LAMB4: variants seen among roughly 807,000 people sequenced by gnomAD.
LAMB4 encodes the protein laminin subunit beta-4.
A neutral mutation model predicts 199.2 loss-of-function variants in LAMB4; 196 were observed. That is an observed-to-expected ratio of 0.98 (90% CI 0.88 to 1.11). The LOEUF is 1.11. Among genes scored for constraint, LAMB4 ranks in the 50% least tolerant of loss-of-function variants. The pLI is 0.00. For missense variants in LAMB4, 2,080 were observed against 2,171.2 expected, an observed-to-expected ratio of 0.96 and a Z score of 0.83; for synonymous variants, 744 against 770.6, an observed-to-expected ratio of 0.97 and a Z score of 0.57.
At chr7:108,035,876 G>A (rs528151322) in intron 30 of LAMB4, among the ~76,000 whole-genome samples, 1 of 146,060 alleles carries the variant, frequency 6.8e-6, no homozygotes, top group African/African-American at 2.5e-5. Flanking sequence ...TTTTTTAGAT[G>A]GTGTCTCGCT....
Position 108,055,990 on chromosome 7 carries a change from C to A in LAMB4, c.3397G>T (p.Ala1133Ser). 1 of 1,611,384 alleles carries A rather than the reference C, an allele frequency of 6.2e-7. No individual in the cohort carries two copies. Residue 1133 changes from alanine (A) to serine (S), a missense_variant, in exon 25 of 34, where the codon GCA becomes TCA. Coordinates refer to ENST00000388781, the MANE Select transcript of LAMB4 (RefSeq NM_007356.3). ...TCACAGATGGGCTTCTGGGTACCTG[C>A]CCTGTTACAATCACATGCTAAAAAG... ...GRCIPCDCNR[A>S]GTQKPICDPD...
chr7:108,042,937 C>CTCTGTGTGTG (rs1554426273), intron 29 of LAMB4, among the ~76,000 whole-genome samples: 32 of 140,390 alleles, frequency 2.3e-4, no homozygotes, highest in African/African-American at 8.2e-4. Flanking sequence ...CTCTCAATCT[C>CTCTGTGTGTG]TGTGTGTGTG....
chr7:108,042,246 T>C (rs1207453039), intron 29 of LAMB4, among the ~76,000 whole-genome samples: 1 of 152,276 alleles, frequency 6.6e-6, no homozygotes, highest in East Asian at 1.9e-4. Context: ...AGAAACAGGA[T>C]TTTTCTCTAT....
At chr7:108,048,531 T>G (rs2035722677) in intron 27 of LAMB4, among the ~76,000 whole-genome samples, 1 of 152,222 alleles carries the variant, frequency 6.6e-6, no homozygotes, top group Non-Finnish European at 1.5e-5. Flanking sequence ...TCAATAGTTG[T>G]TCATCCTTGG....
In LAMB4 at chr7:108,095,214, A is replaced by T; in HGVS notation, c.1470+14T>A. ...TATCACTATAGAAAAGGGAAACTAT[A>T]GGCAAATACATACAGTGCATTCTTC... On this transcript the variant is annotated intron_variant, in intron 12 of 33. Transcript: ENST00000388781. 6.3e-7 allele frequency: 1 copy of T among 1,585,788 alleles called. No individual in the cohort carries two copies. The highest frequency in any genetic ancestry group is 8.7e-7 in the Non-Finnish European group (1 of 1,154,980).
intron 33 of LAMB4, among the ~76,000 whole-genome samples, chr7:108,025,034 T>G (rs539403991): frequency 6.6e-6 from 1 of 152,358 alleles, no homozygotes; most frequent in African/African-American, 2.4e-5. Flanking sequence ...TTGGAGTAAT[T>G]GTCAAACTAA....
In LAMB4 at chr7:108,088,068, G is replaced by A. The variant is rs573416329; in HGVS notation, c.1701+3558C>T. On this transcript the variant is annotated intron_variant, in intron 14 of 33. Coordinates refer to ENST00000388781, the MANE Select transcript of LAMB4 (RefSeq NM_007356.3). ...TCATCAGCATGTAAGCTTTGCTTCTGATTTCTCTTCAGTATTATCTTTTCT... is the reference window on the plus strand; with the variant it reads ...TCATCAGCATGTAAGCTTTGCTTCTAATTTCTCTTCAGTATTATCTTTTCT... 1.8e-4 allele frequency among the ~76,000 whole-genome samples: 27 copies of A among 152,194 alleles called. No homozygotes were observed. The South Asian group carries it at 4.2e-3, about 23-fold the overall frequency.
At chr7:108,077,659 A>C (rs1343937437) in intron 16 of LAMB4, among the ~76,000 whole-genome samples, 1 of 151,966 alleles carries the variant, frequency 6.6e-6, no homozygotes, top group East Asian at 1.9e-4. Context: ...ATGCCATTGC[A>C]CTCTAGCCTG....
chr7:108,059,036 C>T (rs999872772), intron 23 of LAMB4, among the ~76,000 whole-genome samples: 2 of 150,668 alleles, frequency 1.3e-5, no homozygotes, highest in Non-Finnish European at 2.9e-5. Context: ...CGAGGCCTGT[C>T]GTACTGCTGA....
intron 1 of LAMB4, among the ~76,000 whole-genome samples, chr7:108,126,819 C>T (rs370002242): frequency 9.9e-5 from 15 of 151,758 alleles, no homozygotes; most frequent in East Asian, 3.9e-4. Flanking sequence ...CCACCCGCCT[C>T]GGCCTCCCAA....
At chr7:108,021,709 CA>C (rs1189643359), downstream of LAMB4, among the ~76,000 whole-genome samples, 19 of 139,582 alleles carry the variant, frequency 1.4e-4, no homozygotes, top group South Asian at 1.6e-3. Flanking sequence ...AACTTTGTCT[CA>C]AAAAAAAAAG....
chr7:108,081,469 T>A (rs1584705992), intron 14 of LAMB4, among the ~76,000 whole-genome samples: 1 of 152,228 alleles, frequency 6.6e-6, no homozygotes, highest in Non-Finnish European at 1.5e-5. Flanking sequence ...CTTTTCTCTA[T>A]CTTTTCTCCT....
intron 11 of LAMB4, among the ~76,000 whole-genome samples, chr7:108,097,142 TAAG>T (rs1288099113): frequency 4.6e-5 from 7 of 152,134 alleles, no homozygotes; most frequent in African/African-American, 1.7e-4. Context: ...CCATCAAACT[TAAG>T]AAGAGCGTTT....
At chr7:108,020,188 G>A (rs2034661022), downstream of LAMB4, among the ~76,000 whole-genome samples, 1 of 151,976 alleles carries the variant, frequency 6.6e-6, no homozygotes, top group Non-Finnish European at 1.5e-5. Flanking sequence ...CAGTCAACTC[G>A]AATTAAGAAA....
At chr7:108,104,387 G>C in intron 9 of LAMB4, 112 bp downstream of exon 9, 1 of 1,289,868 alleles carries the variant, frequency 7.8e-7, no homozygotes, top group Non-Finnish European at 1.1e-6. Flanking sequence ...GGAGCTGGGA[G>C]GACAGCCTCC....
chr7:108,112,622 C>T (rs2038271653), intron 3 of LAMB4, among the ~76,000 whole-genome samples: 1 of 152,172 alleles, frequency 6.6e-6, no homozygotes, highest in South Asian at 2.1e-4. Context: ...AAGGTTACAA[C>T]AGCAAAGGCT....
chr7:108,122,493 G>A (rs542035175), intron 2 of LAMB4, among the ~76,000 whole-genome samples: 84 of 152,204 alleles, frequency 5.5e-4, no homozygotes, highest in African/African-American at 1.9e-3. Flanking sequence ...GGAAAATTGT[G>A]AAGAAAAAGA....
Position 108,074,941 on chromosome 7 carries a change from T to C in LAMB4, c.2124+2003A>G, listed in dbSNP as rs188931738. On this transcript the variant is annotated intron_variant, in intron 17 of 33. Transcript: ENST00000388781. ...ACAAAGTTTAGAAATATTTAGGATATAGATTGAAAATCAAGAGTATGTTGG... is the reference window on the plus strand; with the variant it reads ...ACAAAGTTTAGAAATATTTAGGATACAGATTGAAAATCAAGAGTATGTTGG... 1.2e-3 allele frequency among the ~76,000 whole-genome samples: 183 copies of C among 152,322 alleles called. 1 individual carries two copies. Among genetic ancestry groups the C allele is most frequent in the African/African-American group, 4.0e-3 (167 of 41,576 alleles).
chr7:108,036,250 C>T (rs972434760), intron 30 of LAMB4, among the ~76,000 whole-genome samples: 5 of 151,256 alleles, frequency 3.3e-5, no homozygotes, highest in Admixed American at 2.0e-4. Flanking sequence ...AGTGCAACGG[C>T]GCAATCTTGG....
Sources: gnomAD v4.1 joint callset for allele counts (sites outside exome capture counted in the v4.1 genomes callset) on GRCh38, gnomAD v4.1.1 for gene constraint, MANE v1.5 for transcripts, NCBI Gene and HGNC (gene_info 2026-07-23, HGNC 2026-07-21) for gene names.